SPCS2: variants seen among roughly 807,000 people sequenced by gnomAD.
SPCS2 encodes signal peptidase complex subunit 2.
A neutral mutation model predicts 22.3 loss-of-function variants in SPCS2; 3 were observed. That is an observed-to-expected ratio of 0.13 (90% CI 0.06 to 0.35). The LOEUF (loss-of-function observed/expected upper bound fraction) is 0.35. Among genes scored for constraint, SPCS2 ranks in the 10% least tolerant of loss-of-function variants. The probability of loss-of-function intolerance (pLI) is 1.00; values close to 1 mark genes in which losing one functional copy is unlikely to be tolerated. For synonymous variants in SPCS2, 67 were observed against 97.2 expected, an observed-to-expected ratio of 0.69 and a Z score of 1.83; for missense variants, 169 against 280.9, an observed-to-expected ratio of 0.60 and a Z score of 2.85.
intron 4 of SPCS2, among the ~76,000 whole-genome samples, chr11:74,969,952 C>T (rs913305109): frequency 6.6e-6 from 1 of 152,126 alleles, no homozygotes; most frequent in African/African-American, 2.4e-5. Flanking sequence ...TTAACAGAGA[C>T]GATTAAGCAT....
rs751361495 is a variant in SPCS2, at chr11:74,969,667, T to A, written c.462T>A (p.Asp154Glu). ...AAGATCCTACAGGAATGGATCCTGA[T>A]GATATTTGGCAGCTGTCCTCCAGTC... ...HRKDPTGMDP[D>E]DIWQLSSSLK... Residue 154 changes from aspartate to glutamate, a missense_variant, in exon 4 of 5, where the codon GAT becomes GAA. Transcript: ENST00000263672. 6 of 1,613,762 alleles carry A rather than the reference T, an allele frequency of 3.7e-6. No homozygotes were observed. Among genetic ancestry groups the A allele is most frequent in the Non-Finnish European group, 5.1e-6 (6 of 1,179,686 alleles).
At chr11:74,950,256 C>A (rs1839238539) in intron 1 of SPCS2, among the ~76,000 whole-genome samples, 1 of 152,162 alleles carries the variant, frequency 6.6e-6, no homozygotes, top group South Asian at 2.1e-4. Flanking sequence ...CTCTCTATAT[C>A]TGTTTTCTCA....
chr11:74,969,931 C>T (rs941309957), intron 4 of SPCS2, among the ~76,000 whole-genome samples: 1 of 152,180 alleles, frequency 6.6e-6, no homozygotes, highest in African/African-American at 2.4e-5. Flanking sequence ...GGTACTTTTT[C>T]CTGTGGCCAG....
At chr11:74,952,891 A>G (rs1040776380) in intron 1 of SPCS2, among the ~76,000 whole-genome samples, 7 of 152,208 alleles carry the variant, frequency 4.6e-5, no homozygotes, top group Non-Finnish European at 7.3e-5. Flanking sequence ...TACACTGCAC[A>G]TGGGAATTAA....
chr11:74,958,188 A>G (rs962065366), intron 1 of SPCS2, among the ~76,000 whole-genome samples: 5 of 152,180 alleles, frequency 3.3e-5, no homozygotes, highest in Non-Finnish European at 7.3e-5. Context: ...CCTAAGAATC[A>G]GTTTCTCTGG....
At chr11:74,973,746 C>G (rs1489555018) in intron 4 of SPCS2, among the ~76,000 whole-genome samples, 2 of 152,080 alleles carry the variant, frequency 1.3e-5, no homozygotes, top group African/African-American at 4.8e-5. Flanking sequence ...GGCCTCCTCC[C>G]CCATCTTTAC....
intron 1 of SPCS2, 42 bp from the exon 2 acceptor site, chr11:74,964,992 G>T: frequency 7.3e-7 from 1 of 1,369,824 alleles, no homozygotes; most frequent in Non-Finnish European, 1.0e-6. Context: ...TTCAGTAAGA[G>T]GCCAGGTTTC....
At chr11:74,966,468 T>G (rs1948546570) in intron 3 of SPCS2, among the ~76,000 whole-genome samples, 1 of 152,224 alleles carries the variant, frequency 6.6e-6, no homozygotes, top group Admixed American at 6.5e-5. Flanking sequence ...GATCTTGTGC[T>G]AATGAAAATT....
chr11:74,970,158 A>G (rs1011156979), intron 4 of SPCS2, among the ~76,000 whole-genome samples: 2 of 152,334 alleles, frequency 1.3e-5, no homozygotes, highest in South Asian at 2.1e-4. Context: ...TGCAGCTGAC[A>G]CACATGTGTT....
intron 3 of SPCS2, among the ~76,000 whole-genome samples, chr11:74,966,364 C>T (rs139657481): frequency 6.6e-6 from 1 of 152,188 alleles, no homozygotes; most frequent in Non-Finnish European, 1.5e-5. Flanking sequence ...CTGGAAAGTA[C>T]TGAGCATGAG....
intron 1 of SPCS2, chr11:74,963,544 A>T (rs912620710): frequency 7.4e-6 from 3 of 403,656 alleles, no homozygotes; most frequent in East Asian, 8.0e-5. Flanking sequence ...TTTATTTTTT[A>T]TTGTTTGTTT....
intron 1 of SPCS2, chr11:74,963,567 G>GTTTATTTA (rs748317090): frequency 4.9e-6 from 2 of 407,122 alleles, no homozygotes; most frequent in African/African-American, 2.2e-5. Flanking sequence ...TTGTTTGTTT[G>GTTTATTTA]TTTATTTATT....
At chr11:74,961,718 G>T (rs1948515355) in intron 1 of SPCS2, among the ~76,000 whole-genome samples, 1 of 151,874 alleles carries the variant, frequency 6.6e-6, no homozygotes, top group Non-Finnish European at 1.5e-5. Context: ...AGTAGAGATG[G>T]GGTTTCACAA....
chr11:74,951,830 G>T (rs967257104), intron 1 of SPCS2, among the ~76,000 whole-genome samples: 9 of 90,304 alleles, frequency 1.0e-4, no homozygotes, highest in African/African-American at 2.3e-4. Context: ...AAAAAAAAAA[G>T]AGTAAGAGCC....
At chr11:74,958,510 G>T (rs773868473) in intron 1 of SPCS2, among the ~76,000 whole-genome samples, 37 of 152,176 alleles carry the variant, frequency 2.4e-4, no homozygotes, top group Non-Finnish European at 3.8e-4. Flanking sequence ...ATGTGTGTGT[G>T]GGGGGGATAT....
At chr11:74,952,018 GA>G (rs2140212658) in intron 1 of SPCS2, among the ~76,000 whole-genome samples, 1 of 152,248 alleles carries the variant, frequency 6.6e-6, no homozygotes, top group African/African-American at 2.4e-5. Context: ...GTGACAAGTA[GA>G]TAGCATCTGA....
intron 1 of SPCS2, 172 bp downstream of exon 1, chr11:74,949,571 T>G (rs1394998075): frequency 1.5e-6 from 1 of 683,908 alleles, no homozygotes; most frequent in Non-Finnish European, 2.7e-6. Flanking sequence ...CTCATCACAC[T>G]TCAAACCTGG....
At chr11:74,973,859 A>T (rs1024495407) in intron 4 of SPCS2, among the ~76,000 whole-genome samples, 1 of 151,696 alleles carries the variant, frequency 6.6e-6, no homozygotes, top group South Asian at 2.1e-4. Flanking sequence ...CCTTGGGTCT[A>T]TGGGATTCTA....
intron 1 of SPCS2, 84 bp downstream of exon 1, chr11:74,949,483 A>G: frequency 1.6e-6 from 2 of 1,228,662 alleles, no homozygotes; most frequent in Non-Finnish European, 2.3e-6. Flanking sequence ...GGTCTCCCTT[A>G]TTTTCTACGG....
Sources: allele counts gnomAD v4.1 joint callset (sites outside exome capture counted in the v4.1 genomes callset), GRCh38; gene constraint gnomAD v4.1.1; transcripts MANE v1.5; gene names NCBI Gene and HGNC (gene_info 2026-07-23, HGNC 2026-07-21).